The following SFXN3 variants were observed in gnomAD, a reference collection of about 807,000 sequenced individuals.
SFXN3 encodes the protein sideroflexin 3, also known as sideroflexin-3.
In SFXN3, 31 loss-of-function variants were observed where a neutral mutation model predicts 40.4. That is an observed-to-expected ratio of 0.77 (90% CI 0.58 to 1.04). The LOEUF is 1.04. Among genes scored for constraint, SFXN3 ranks in the 50% least tolerant of loss-of-function variants. SFXN3 has a pLI of 0.00. For synonymous variants in SFXN3, 157 were observed against 160.0 expected (o/e 0.98, Z 0.14); for missense variants, 366 against 408.2 (o/e 0.90, Z 0.89).
In SFXN3 at chr10:101,036,875, A is replaced by G. The variant is rs1938635448; in HGVS notation, c.593+67A>G. The G allele has an allele frequency of 6.3e-7, 1 of 1,578,438 alleles. No individual in the cohort carries two copies. The highest frequency in any genetic ancestry group is 8.7e-7 in the Non-Finnish European group (1 of 1,156,054). The stretch of plus-strand genomic sequence containing the variant: ...AGCACACTGTCCATCCACGCAGACC[A>G]CCTCAGAATGGGGACATCCCTCTCC... On this transcript the variant is annotated intron_variant, in intron 7 of 11. Transcript: ENST00000393459. This position sits in a 1 kb window ranked among gnomAD's most constrained non-coding sequence, Gnocchi z 4.2.
chr10:101,039,537 T>C lies in SFXN3; in HGVS notation c.918T>C (p.His306=). ...AACCAGAGCTGAGAGCTCAGATCCA[T>C]GAGCAAAACCCCAGCGTTGAAGTGG... Residue 306 remains histidine, a synonymous_variant, in exon 12 of 12, where the codon CAT becomes CAC. Coordinates refer to ENST00000393459, the Ensembl canonical transcript of SFXN3. The surrounding 1 kb of genome is among the most constrained non-coding windows in gnomAD (Gnocchi z 4.6). 6.2e-7 allele frequency: 1 copy of C among 1,614,132 alleles called. No individual in the cohort carries two copies.
intron 1 of SFXN3, among the ~76,000 whole-genome samples, chr10:101,031,789 G>C (rs1208880498): frequency 2.0e-5 from 3 of 152,122 alleles, no homozygotes; most frequent in Admixed American, 6.5e-5. Flanking sequence ...GGGGTTGGGA[G>C]CGTAAGGAGA....
At chr10:101,035,571 A>C in exon 4 of SFXN3, 1 of 1,614,154 alleles carries the variant, frequency 6.2e-7, no homozygotes, top group Middle Eastern at 1.7e-4. Context: ...TCCGCCTTCC[A>C]TCCGGACACA....
chr10:101,036,927 T>C lies in SFXN3; in HGVS notation c.593+119T>C. On this transcript the variant is annotated intron_variant, in intron 7 of 11. Transcript: ENST00000393459. This position sits in a 1 kb window ranked among gnomAD's most constrained non-coding sequence, Gnocchi z 4.2. ...TCCCCAGACATGAGCTGCTGGGCCC[T>C]GGCTCAGTCTGACCCTGGGATCCTC... is the stretch of plus-strand genomic sequence containing the variant. 1 of 1,515,680 alleles carries C rather than the reference T, an allele frequency of 6.6e-7. No individual in the cohort carries two copies. 93.9% of individuals were successfully genotyped at this position (1,515,680 alleles called of 1,614,324 possible). A position where few individuals can be genotyped will look rare whatever the true frequency, so the allele number is the denominator to read the frequency against.
At chr10:101,035,621 G>A (rs1431590735) in exon 4 of SFXN3, 1 of 1,614,050 alleles carries the variant, frequency 6.2e-7, no homozygotes, top group Non-Finnish European at 8.5e-7. Flanking sequence ...GTCAGCCCAG[G>A]TGCCCATGAA....
intron 9 of SFXN3, chr10:101,037,865 G>A: frequency 9.4e-7 from 1 of 1,059,606 alleles, no homozygotes; most frequent in Non-Finnish European, 1.1e-6. Flanking sequence ...CAAATGTATT[G>A]AGTGCCATGC....
At chr10:101,035,076 G>A (rs1188627621) in intron 3 of SFXN3, among the ~76,000 whole-genome samples, 1 of 152,234 alleles carries the variant, frequency 6.6e-6, no homozygotes, top group Non-Finnish European at 1.5e-5. Context: ...GCTGCTCTAT[G>A]CATCACAAAC....
exon 12 of SFXN3, chr10:101,041,057 A>G (rs1938874685): frequency 6.6e-6 from 1 of 152,118 alleles, no homozygotes; most frequent in Non-Finnish European, 1.5e-5. Flanking sequence ...GGGTGGTGGT[A>G]AGTTCACAGA....
chr10:101,032,651 T>C (rs1478895366), intron 2 of SFXN3, among the ~76,000 whole-genome samples, 169 bp downstream of exon 2: 1 of 152,074 alleles, frequency 6.6e-6, no homozygotes, highest in Non-Finnish European at 1.5e-5. Flanking sequence ...TGGGGCTGTG[T>C]GTAGTCACAC....
In SFXN3 at chr10:101,039,693, G is replaced by C; in HGVS notation, c.*108G>C. 2.8e-6 allele frequency: 3 copies of C among 1,081,884 alleles called. No individual in the cohort carries two copies. Among genetic ancestry groups the C allele is most frequent in the Non-Finnish European group, 4.2e-6 (3 of 711,708 alleles). The allele number at this position is 1,081,884 out of a possible 1,614,324, so 67.0% of individuals were successfully genotyped here. ...TGCCTAGCACTGGGCAGGGGCCTTG[G>C]TGGGCAGATGGCAATTGAGGGTAGC... On this transcript the variant is annotated 3_prime_UTR_variant, in exon 12 of 12. Coordinates refer to ENST00000393459, the Ensembl canonical transcript of SFXN3. This position sits in a 1 kb window ranked among gnomAD's most constrained non-coding sequence, Gnocchi z 4.6.
chr10:101,034,911 A>G (rs1207480534), intron 3 of SFXN3, 56 bp downstream of exon 3: 1 of 1,584,348 alleles, frequency 6.3e-7, no homozygotes, highest in South Asian at 1.2e-5. Flanking sequence ...TGTGATTAAT[A>G]TAATATGTTT....
intron 2 of SFXN3, among the ~76,000 whole-genome samples, chr10:101,033,646 A>G (rs2134192339): frequency 6.6e-6 from 1 of 152,340 alleles, no homozygotes; most frequent in South Asian, 2.1e-4. Context: ...CAGTGGGCCC[A>G]GGGGACCGGC....
intron 9 of SFXN3, chr10:101,037,737 C>A: frequency 7.5e-7 from 1 of 1,330,344 alleles, no homozygotes; most frequent in East Asian, 3.1e-5. Flanking sequence ...TTCTTTTACC[C>A]CCTAGTGCCT....
At chr10:101,038,852 G>A (rs780466271) in intron 10 of SFXN3, among the ~76,000 whole-genome samples, 160 bp downstream of exon 10, 3 of 152,066 alleles carry the variant, frequency 2.0e-5, no homozygotes, top group Non-Finnish European at 4.4e-5. Context: ...TGTGTGTTAC[G>A]GGGTGGTCCC....
intron 2 of SFXN3, among the ~76,000 whole-genome samples, chr10:101,033,368 T>C (rs1938418706): frequency 6.6e-6 from 1 of 152,180 alleles, no homozygotes; most frequent in African/African-American, 2.4e-5. Context: ...CAACCACATA[T>C]ATGTAAATCC....
chr10:101,035,979 AAGTG>A lies in SFXN3; in HGVS notation c.333-19_333-16del, dbSNP rs1938578921. ...ATGAGGGCCACTGTAGACGGGGCAG[AAGTG>A]AGTGTCTTTGTTCCCTCAGGAAGAC... On this transcript the variant is annotated intron_variant, in intron 4 of 11. Transcript: ENST00000393459. 2 of 1,596,918 alleles carry A rather than the reference AAGTG, an allele frequency of 1.3e-6. No individual in the cohort carries two copies. The highest frequency in any genetic ancestry group is 1.7e-6 in the Non-Finnish European group (2 of 1,164,482).
intron 1 of SFXN3, chr10:101,031,949 GC>G (rs1489313532): frequency 6.5e-6 from 1 of 154,064 alleles, no homozygotes; most frequent in African/African-American, 2.4e-5. Context: ...TGGGGTAGGA[GC>G]CCAGGGGGAC....
Position 101,036,476 on chromosome 10 carries a change from C to A in SFXN3, c.432-10C>A, listed in dbSNP as rs748562973. On this transcript the variant is annotated splice_polypyrimidine_tract_variant and intron_variant, in intron 5 of 11. Transcript: ENST00000393459. The surrounding 1 kb of genome is among the most constrained non-coding windows in gnomAD (Gnocchi z 4.2). ...CACCTCTCCCCGTGACCTGGCTTTT[C>A]CACCCACAGGCAGCTGGGGACAGCC... The A allele has an allele frequency of 6.2e-7, 1 of 1,613,942 alleles. No homozygotes were observed. Among genetic ancestry groups the A allele is most frequent in the Non-Finnish European group, 8.5e-7 (1 of 1,179,940 alleles).
In SFXN3 at chr10:101,036,675, A is replaced by T; in HGVS notation, c.508-48A>T. ...CCCCTATATCTCCCCAGAGTCCCTC[A>T]CCACCCCATGGCCCTTAGGGCCACT... On this transcript the variant is annotated intron_variant, in intron 6 of 11. Coordinates refer to ENST00000393459, the Ensembl canonical transcript of SFXN3. The surrounding 1 kb of genome is among the most constrained non-coding windows in gnomAD (Gnocchi z 4.2). 6.2e-7 allele frequency: 1 copy of T among 1,605,582 alleles called. No homozygotes were observed. Among genetic ancestry groups the T allele is most frequent in the Non-Finnish European group, 8.5e-7 (1 of 1,173,336 alleles).
Sources: gnomAD v4.1 joint callset for allele counts (sites outside exome capture counted in the v4.1 genomes callset) on GRCh38, gnomAD v4.1.1 for gene constraint, Gnocchi (gnomAD v3.1) non-coding constraint, MANE v1.5 for transcripts, NCBI Gene and HGNC (gene_info 2026-07-23, HGNC 2026-07-21) for gene names.